DOCK1: variants seen among roughly 807,000 people sequenced by gnomAD.
The protein encoded by DOCK1 is dedicator of cytokinesis protein 1.
DOCK1 carries 138 observed loss-of-function variants against 262.7 expected under a neutral mutation model. The ratio of observed to expected loss-of-function variants is 0.53; its 90% CI spans 0.46 to 0.61. The LOEUF is 0.61. DOCK1 is among the 20% of genes least tolerant of loss of function. The pLI, the probability that DOCK1 is intolerant of heterozygous loss-of-function variation, is 0.00. For missense variants in DOCK1, 1,908 were observed against 2,370.7 expected (o/e 0.80, Z 4.05); for synonymous variants, 866 against 867.4 (o/e 1.00, Z 0.03).
intron 31 of DOCK1, among the ~76,000 whole-genome samples, chr10:127,354,444 C>G (rs987220353): frequency 2.6e-5 from 4 of 152,276 alleles, no homozygotes; most frequent in South Asian, 2.1e-4. Context: ...ACGTTCCCAC[C>G]GGGGGGAAGA....
Position 127,175,470 on chromosome 10 carries a change from G to A in DOCK1, c.2847+47706G>A, listed in dbSNP as rs1372556959. 6 of 1,609,924 alleles carry A rather than the reference G, an allele frequency of 3.7e-6. No individual in the cohort carries two copies. The highest frequency in any genetic ancestry group is 2.2e-5 in the South Asian group (2 of 91,078). ...TTCGGGGGACAGGCACTGCATCGGG[G>A]GTGAGCAGGCCAGGGCAGTTTCCGA... On this transcript the variant is annotated intron_variant, in intron 27 of 51. Transcript: ENST00000623213. This position sits in a 1 kb window ranked among gnomAD's most constrained non-coding sequence, Gnocchi z 6.3.
intron 29 of DOCK1, among the ~76,000 whole-genome samples, chr10:127,289,667 A>G (rs1393997984): frequency 2.0e-5 from 3 of 152,168 alleles, no homozygotes; most frequent in East Asian, 3.9e-4. Flanking sequence ...CACATGAGAA[A>G]TGGCATCTGA....
chr10:127,033,628 T>C (rs1006710143), intron 18 of DOCK1, among the ~76,000 whole-genome samples: 1 of 152,246 alleles, frequency 6.6e-6, no homozygotes, highest in African/African-American at 2.4e-5. Context: ...TCATGAGTTG[T>C]GTCTCTGGGG....
At chr10:127,450,815 C>T (rs113747480) in intron 51 of DOCK1, among the ~76,000 whole-genome samples, 33 of 152,180 alleles carry the variant, frequency 2.2e-4, no homozygotes, top group Non-Finnish European at 3.4e-4. Flanking sequence ...CCTTTCTGTA[C>T]ACACTGTCAA....
At chr10:127,428,148 A>G (rs1367773799) in intron 47 of DOCK1, among the ~76,000 whole-genome samples, 1 of 152,222 alleles carries the variant, frequency 6.6e-6, no homozygotes, top group African/African-American at 2.4e-5. Flanking sequence ...ATCTCTTTCA[A>G]AGTTGATGCC....
chr10:127,220,189 G>A (rs192868651), intron 27 of DOCK1, among the ~76,000 whole-genome samples: 1 of 151,726 alleles, frequency 6.6e-6, no homozygotes, highest in African/African-American at 2.4e-5. Context: ...GAAGTTGTCT[G>A]TCTCAGTTGA....
intron 29 of DOCK1, among the ~76,000 whole-genome samples, chr10:127,330,724 G>C (rs1302177947): frequency 6.6e-6 from 1 of 152,232 alleles, no homozygotes; most frequent in African/African-American, 2.4e-5. Context: ...AGCACTTCCA[G>C]GGAGGAGGAA....
At chr10:127,205,444 T>C (rs985347730) in intron 27 of DOCK1, among the ~76,000 whole-genome samples, 27 of 152,200 alleles carry the variant, frequency 1.8e-4, no homozygotes, top group Non-Finnish European at 3.8e-4. Flanking sequence ...TTCGATTTGA[T>C]ATTTTACAGA....
In DOCK1 at chr10:126,948,366, A is replaced by C. The variant is rs2035775461; in HGVS notation, c.47-22336A>C. Reference sequence around the variant, plus strand: ...GTTGGTGGTGATGGTGGTGGTTGGTAGTATTACTGTTGGTGGTGATGGTGG... The same window carrying C: ...GTTGGTGGTGATGGTGGTGGTTGGTCGTATTACTGTTGGTGGTGATGGTGG... On this transcript the variant is annotated intron_variant, in intron 1 of 51. Coordinates refer to ENST00000623213, the MANE Select transcript of DOCK1 (RefSeq NM_001290223.2). Among the ~76,000 whole-genome samples, 4 of 70,158 alleles carry C rather than the reference A, an allele frequency of 5.7e-5. 2 individuals are homozygous for C. The highest frequency in any genetic ancestry group is 1.1e-4 in the Non-Finnish European group (4 of 36,242). 46.0% of individuals were successfully genotyped at this position (70,158 alleles called of 152,430 possible). A position where few individuals can be genotyped will look rare whatever the true frequency, so the allele number is the denominator to read the frequency against.
chr10:127,117,998 A>C (rs2049298245), intron 25 of DOCK1, among the ~76,000 whole-genome samples: 1 of 152,202 alleles, frequency 6.6e-6, no homozygotes. Flanking sequence ...GATGAACTGC[A>C]ACACAATATA....
chr10:127,017,278 C>G (rs374672033), intron 12 of DOCK1, among the ~76,000 whole-genome samples: 3 of 150,894 alleles, frequency 2.0e-5, no homozygotes, highest in African/African-American at 7.3e-5. Context: ...CATATAGACA[C>G]ACACAGACAC....
chr10:127,393,703 ATGTTC>A (rs2066641196), intron 38 of DOCK1, among the ~76,000 whole-genome samples: 1 of 152,050 alleles, frequency 6.6e-6, no homozygotes, highest in South Asian at 2.1e-4. Context: ...CTTTTGAATG[ATGTTC>A]TGTTATCTTT....
chr10:127,106,984 G>A (rs1245509860), intron 24 of DOCK1, among the ~76,000 whole-genome samples: 1 of 152,032 alleles, frequency 6.6e-6, no homozygotes, highest in Non-Finnish European at 1.5e-5. Flanking sequence ...AGAGATAGGG[G>A]TCTCACTCTG....
chr10:127,269,456 A>C (rs887911921), intron 29 of DOCK1, among the ~76,000 whole-genome samples: 1 of 152,214 alleles, frequency 6.6e-6, no homozygotes, highest in Non-Finnish European at 1.5e-5. Context: ...TCTTGTGAGG[A>C]TATTTGTATA....
chr10:127,308,000 A>G (rs942351551), intron 29 of DOCK1, among the ~76,000 whole-genome samples: 10 of 152,176 alleles, frequency 6.6e-5, no homozygotes, highest in Non-Finnish European at 1.5e-4. Flanking sequence ...GCCTTGAACC[A>G]TGGGGTCTCC....
chr10:126,922,154 T>A (rs1591322569), intron 1 of DOCK1, among the ~76,000 whole-genome samples: 1 of 144,700 alleles, frequency 6.9e-6, no homozygotes, highest in Non-Finnish European at 1.5e-5. Flanking sequence ...GAAGTGGAGG[T>A]TGCAGAGATT....
chr10:127,441,335 C>T (rs1389036648), intron 49 of DOCK1, among the ~76,000 whole-genome samples: 1 of 152,208 alleles, frequency 6.6e-6, no homozygotes, highest in Non-Finnish European at 1.5e-5. Context: ...GCCCTAGCAC[C>T]CTCAGCAAAT....
intron 38 of DOCK1, among the ~76,000 whole-genome samples, chr10:127,387,139 C>G (rs1436213323): frequency 6.6e-6 from 1 of 152,198 alleles, no homozygotes; most frequent in Non-Finnish European, 1.5e-5. Flanking sequence ...ATGGCTGTTG[C>G]CGGGCTCTCT....
In DOCK1 at chr10:127,018,799, G is replaced by A; in HGVS notation, c.1291G>A (p.Ala431Thr). The stretch of plus-strand genomic sequence containing the variant: ...TTTAGTGGACAGGACCACAGCTGTG[G>A]CTCGAAAAACAGGGTTTCCGGAGAT... Reference protein sequence around the residue: ...PHLVDRTTAVARKTGFPEIIM... With the variant: ...PHLVDRTTAVTRKTGFPEIIM... The change falls in exon 13 of 52, where the codon GCT becomes ACT. Residue 431 changes from alanine to threonine, a missense_variant. This residue lies in a region of DOCK1 where 294 missense variants were observed against 439.9 expected (regional missense o/e 0.67). Transcript: ENST00000623213. 1 of 1,613,928 alleles carries A rather than the reference G, an allele frequency of 6.2e-7. No individual in the cohort carries two copies. The highest frequency in any genetic ancestry group is 8.5e-7 in the Non-Finnish European group (1 of 1,179,874).
Sources: allele counts gnomAD v4.1 joint callset (sites outside exome capture counted in the v4.1 genomes callset), GRCh38; gene constraint gnomAD v4.1.1; regional missense constraint gnomAD v4.1.1; non-coding constraint Gnocchi (gnomAD v3.1); transcripts MANE v1.5; gene names NCBI Gene and HGNC (gene_info 2026-07-23, HGNC 2026-07-21).